Variants in TANC1 observed in about 807,000 individuals in gnomAD.
TANC1 encodes the protein protein TANC1.
In TANC1, 77 loss-of-function variants were observed where a neutral mutation model predicts 149.7. That is an observed-to-expected ratio of 0.51 (90% CI 0.43 to 0.62). The LOEUF is 0.62. TANC1 is among the 20% of genes least tolerant of loss of function. TANC1 has a pLI of 0.00. For synonymous variants in TANC1, 854 were observed against 925.0 expected, an observed-to-expected ratio of 0.92 and a Z score of 1.39; for missense variants, 1,985 against 2,321.8, an observed-to-expected ratio of 0.85 and a Z score of 2.98.
intron 2 of TANC1, among the ~76,000 whole-genome samples, chr2:159,025,555 G>T (rs577597111): frequency 4.6e-5 from 7 of 152,164 alleles, no homozygotes; most frequent in Admixed American, 2.6e-4. Context: ...AACAAAATGA[G>T]GATAATTCCC....
chr2:159,138,507 C>T (rs1302491958), intron 5 of TANC1, among the ~76,000 whole-genome samples: 1 of 152,100 alleles, frequency 6.6e-6, no homozygotes, highest in Admixed American at 6.5e-5. Flanking sequence ...TAAATTTTAT[C>T]CAGATCACTG....
intron 19 of TANC1, 131 bp downstream of exon 19, chr2:159,199,184 T>C: frequency 3.1e-6 from 2 of 635,964 alleles, no homozygotes; most frequent in South Asian, 2.3e-5. Context: ...ATTTGAAGTT[T>C]AGAGCTCCTT....
intron 16 of TANC1, among the ~76,000 whole-genome samples, chr2:159,189,938 G>A (rs542624527): frequency 1.3e-5 from 2 of 152,318 alleles, no homozygotes; most frequent in South Asian, 2.1e-4. Flanking sequence ...GTAAAAATAC[G>A]TACAGCATTA....
At chr2:159,141,358 G>A (rs112462304) in intron 5 of TANC1, among the ~76,000 whole-genome samples, 3 of 152,144 alleles carry the variant, frequency 2.0e-5, no homozygotes, top group South Asian at 2.1e-4. Flanking sequence ...AAGAGACTAC[G>A]GTTAAGAATG....
chr2:159,134,205 T>C (rs1053356064), intron 4 of TANC1, among the ~76,000 whole-genome samples: 1 of 152,170 alleles, frequency 6.6e-6, no homozygotes, highest in African/African-American at 2.4e-5. Flanking sequence ...TGATGTAAAA[T>C]GTTTCCTATC....
At chr2:159,013,406 T>A (rs530882828) in intron 2 of TANC1, among the ~76,000 whole-genome samples, 40 of 152,196 alleles carry the variant, frequency 2.6e-4, no homozygotes, top group African/African-American at 9.2e-4. Context: ...TGGGAACGAG[T>A]CCTATCTTAA....
chr2:159,092,774 T>C (rs1488901325), intron 3 of TANC1, among the ~76,000 whole-genome samples: 1 of 152,224 alleles, frequency 6.6e-6, no homozygotes, highest in Admixed American at 6.5e-5. Flanking sequence ...CTGCAAAGTC[T>C]GAAATATTTA....
chr2:159,099,780 A>G (rs1405285815), intron 4 of TANC1, among the ~76,000 whole-genome samples: 1 of 148,792 alleles, frequency 6.7e-6, no homozygotes, highest in East Asian at 2.0e-4. Context: ...GTTGCCTCTT[A>G]GTAATTTTTC....
chr2:159,174,936 G>T lies in TANC1; in HGVS notation c.1504-17G>T. ...TGAAGAGGGTGAGGTGATGCTGACG[G>T]TTCTGCTTCCCCCTAGGTGGTGGCC... On this transcript the variant is annotated splice_polypyrimidine_tract_variant and intron_variant, in intron 11 of 26. Coordinates refer to ENST00000263635, the MANE Select transcript of TANC1 (RefSeq NM_033394.3). The T allele has an allele frequency of 6.2e-7, 1 of 1,604,734 alleles. No individual in the cohort carries two copies. The highest frequency in any genetic ancestry group is 8.5e-7 in the Non-Finnish European group (1 of 1,172,178).
At chr2:159,130,876 C>G (rs1484449388) in intron 4 of TANC1, among the ~76,000 whole-genome samples, 91 of 152,242 alleles carry the variant, frequency 6.0e-4, no homozygotes, top group African/African-American at 2.1e-3. Context: ...GTGTCAGTTG[C>G]TGTCTTTCAG....
chr2:159,185,886 C>T lies in TANC1; in HGVS notation c.2606C>T (p.Ala869Val), dbSNP rs764978940. The T allele has an allele frequency of 8.7e-6, 14 of 1,612,902 alleles. No individual in the cohort carries two copies. Among genetic ancestry groups the T allele is most frequent in the Admixed American group, 5.0e-5 (3 of 59,994 alleles). ...GAGCTTGGCCACCACATCCTGAAGG[C>T]GCACATTTTCAAGGTGAGATGCACA... Reference protein sequence around the residue: ...TMELGHHILKAHIFKGLSKKT... With the variant: ...TMELGHHILKVHIFKGLSKKT... The change falls in exon 15 of 27, where the codon GCG (alanine) becomes GTG (valine). Residue 869 changes from alanine (A) to valine (V), a missense_variant. Physicochemically the swap from Ala to Val is moderately conservative, Grantham distance 64. Around this residue, in one of 3 missense-constraint regions of TANC1, gnomAD observed 508 missense variants for 714.2 expected, o/e 0.71. Coordinates refer to ENST00000263635, the MANE Select transcript of TANC1 (RefSeq NM_033394.3).
chr2:159,199,432 G>A (rs753215973), intron 19 of TANC1, among the ~76,000 whole-genome samples: 11 of 152,274 alleles, frequency 7.2e-5, no homozygotes, highest in Non-Finnish European at 1.0e-4. Context: ...TGTCCCCATC[G>A]TCACACGAAT....
At chr2:159,059,039 CTT>C (rs1253495040) in intron 2 of TANC1, among the ~76,000 whole-genome samples, 1 of 152,112 alleles carries the variant, frequency 6.6e-6, no homozygotes, top group Non-Finnish European at 1.5e-5. Context: ...TTTTTAATAA[CTT>C]ATACTTAAAT....
chr2:159,031,757 G>T (rs1486412775), intron 2 of TANC1, among the ~76,000 whole-genome samples: 1 of 152,172 alleles, frequency 6.6e-6, no homozygotes, highest in Non-Finnish European at 1.5e-5. Flanking sequence ...AATGATTAAA[G>T]ATATGTGAGG....
At position 159,169,257 on chromosome 2, in the gene TANC1, C is replaced by T. The variant is rs773864239; in HGVS notation, c.954C>T (p.Ser318=). The T allele has an allele frequency of 1.9e-6, 3 of 1,613,298 alleles. No individual in the cohort carries two copies. The African/African-American group carries it at 4.0e-5, about 22-fold the overall frequency. Residue 318 remains serine (S), a synonymous_variant, in exon 9 of 27, where the codon AGC becomes AGT. Coordinates refer to ENST00000263635, the MANE Select transcript of TANC1 (RefSeq NM_033394.3). The stretch of plus-strand genomic sequence containing the variant: ...TTCAGTTTAATATTACAGCAACAAG[C>T]TCAACCAAATTGGAAGATCTGAGTT... The part of the protein sequence containing the change: ...MPRPNSVAAT[S]STKLEDLSYL...
chr2:159,021,947 C>T (rs2038862923), intron 2 of TANC1, among the ~76,000 whole-genome samples: 1 of 152,098 alleles, frequency 6.6e-6, no homozygotes, highest in Non-Finnish European at 1.5e-5. Flanking sequence ...AAATTAAAAA[C>T]CTTAAAGCCT....
intron 2 of TANC1, chr2:159,003,980 A>C (rs75468997): frequency 5.0e-6 from 8 of 1,612,536 alleles, no homozygotes; most frequent in Non-Finnish European, 6.8e-6. Flanking sequence ...TCTAAAAAAA[A>C]CTGGCTGTGA....
intron 2 of TANC1, among the ~76,000 whole-genome samples, chr2:159,033,953 A>G (rs944742143): frequency 6.6e-6 from 1 of 152,150 alleles, no homozygotes; most frequent in East Asian, 1.9e-4. Flanking sequence ...AGTAAAAAAC[A>G]AAAACAAAAA....
intron 2 of TANC1, among the ~76,000 whole-genome samples, chr2:159,063,009 A>G (rs1199746078): frequency 1.3e-5 from 2 of 149,142 alleles, no homozygotes; most frequent in Non-Finnish European, 3.0e-5. Context: ...AGCAAAGCTC[A>G]TGAGAGCTTT....
Sources: gnomAD v4.1 joint callset for allele counts (sites outside exome capture counted in the v4.1 genomes callset) on GRCh38, gnomAD v4.1.1 for gene constraint, gnomAD v4.1.1 regional missense constraint, MANE v1.5 for transcripts, NCBI Gene and HGNC (gene_info 2026-07-23, HGNC 2026-07-21) for gene names.